DLG2: variants seen among roughly 807,000 people sequenced by gnomAD.
DLG2 encodes discs large MAGUK scaffold protein 2, also known as disks large homolog 2.
Under a neutral mutation model 132.5 loss-of-function variants are expected in DLG2, and 45 were observed. The ratio of observed to expected loss-of-function variants is 0.34; its 90% CI spans 0.27 to 0.44. DLG2 has a LOEUF of 0.44. Among genes scored for constraint, DLG2 ranks in the 20% least tolerant of loss-of-function variants. DLG2 has a pLI of 1.00. For missense variants in DLG2, 1,045 were observed against 1,196.9 expected (o/e 0.87, Z 1.87); for synonymous variants, 424 against 419.6 (o/e 1.01, Z -0.13).
chr11:83,496,835 T>C lies in DLG2; in HGVS notation c.2194-12607A>G, dbSNP rs1355704413. ...AACCATGACACCTCCCAAAACTGTA[T>C]TTCCAGCCCATGCTAGTCTCCTAAA... On this transcript the variant is annotated intron_variant, in intron 21 of 27. Transcript: ENST00000376104. 3.3e-5 allele frequency among the ~76,000 whole-genome samples: 5 copies of C among 152,194 alleles called. No individual in the cohort carries two copies. The East Asian group carries it at 9.6e-4, about 29-fold the overall frequency.
At chr11:85,400,760 C>T (rs1038546221) in intron 3 of DLG2, among the ~76,000 whole-genome samples, 2 of 150,224 alleles carry the variant, frequency 1.3e-5, no homozygotes, top group Admixed American at 6.6e-5. Flanking sequence ...GGAAGGGGAA[C>T]ATCACACTCT....
intron 3 of DLG2, among the ~76,000 whole-genome samples, chr11:85,314,377 T>A (rs1276106943): frequency 6.6e-6 from 1 of 151,780 alleles, no homozygotes; most frequent in Non-Finnish European, 1.5e-5. Flanking sequence ...GAAAAACAGG[T>A]CAGCTAGGAA....
intron 3 of DLG2, among the ~76,000 whole-genome samples, chr11:85,496,330 C>A (rs532670368): frequency 6.6e-6 from 1 of 152,142 alleles, no homozygotes; most frequent in Admixed American, 6.6e-5. Flanking sequence ...ACCTGGGACA[C>A]GGGAGCTTGG....
intron 5 of DLG2, among the ~76,000 whole-genome samples, chr11:85,125,600 A>G (rs912439026): frequency 6.6e-6 from 1 of 152,156 alleles, no homozygotes; most frequent in Non-Finnish European, 1.5e-5. Flanking sequence ...CTAAATAATA[A>G]CTTTGTTGTG....
At chr11:84,276,831 TA>T (rs2097787600) in intron 7 of DLG2, among the ~76,000 whole-genome samples, 1 of 152,076 alleles carries the variant, frequency 6.6e-6, no homozygotes, top group Non-Finnish European at 1.5e-5. Context: ...GCACTTCCAG[TA>T]AAAATAGAGT....
chr11:83,701,650 T>C (rs1437990100), intron 18 of DLG2, among the ~76,000 whole-genome samples: 1 of 152,172 alleles, frequency 6.6e-6, no homozygotes, highest in East Asian at 1.9e-4. Flanking sequence ...AGGAAGTGGT[T>C]GATGTGGAAG....
chr11:85,465,856 T>C (rs2092771520), intron 3 of DLG2, among the ~76,000 whole-genome samples: 1 of 151,862 alleles, frequency 6.6e-6, no homozygotes, highest in African/African-American at 2.4e-5. Flanking sequence ...GTATTTCTAG[T>C]TCTAGATCCC....
intron 3 of DLG2, among the ~76,000 whole-genome samples, chr11:85,348,603 A>G (rs2083042536): frequency 1.3e-5 from 2 of 152,084 alleles, no homozygotes; most frequent in African/African-American, 4.8e-5. Context: ...CAATGCCCCA[A>G]ACTGAAGTTA....
At chr11:84,035,801 C>T (rs1184879086) in intron 11 of DLG2, among the ~76,000 whole-genome samples, 1 of 152,040 alleles carries the variant, frequency 6.6e-6, no homozygotes, top group East Asian at 1.9e-4. Context: ...GAGCAAGAAA[C>T]GATATGGTTT....
At chr11:85,509,066 A>G (rs2093999035) in intron 3 of DLG2, among the ~76,000 whole-genome samples, 1 of 152,090 alleles carries the variant, frequency 6.6e-6, no homozygotes, top group Non-Finnish European at 1.5e-5. Flanking sequence ...GCTGCCCAAG[A>G]AATATTTACT....
At chr11:84,889,786 G>T (rs1218821174) in intron 6 of DLG2, among the ~76,000 whole-genome samples, 2 of 152,148 alleles carry the variant, frequency 1.3e-5, no homozygotes, top group Non-Finnish European at 2.9e-5. Context: ...TTGCGCAATG[G>T]CATGTACATC....
At chr11:84,936,923 C>T (rs2048816904) in intron 6 of DLG2, among the ~76,000 whole-genome samples, 1 of 152,168 alleles carries the variant, frequency 6.6e-6, no homozygotes, top group South Asian at 2.1e-4. Flanking sequence ...GAGGCCGAGG[C>T]AGCTGGATCA....
At chr11:85,037,616 C>T (rs1397425125) in intron 6 of DLG2, among the ~76,000 whole-genome samples, 1 of 149,972 alleles carries the variant, frequency 6.7e-6, no homozygotes, top group Non-Finnish European at 1.5e-5. Flanking sequence ...TGAGTGTTAT[C>T]TTAAAACGTA....
intron 4 of DLG2, among the ~76,000 whole-genome samples, chr11:85,257,078 C>T (rs1017643411): frequency 2.6e-5 from 4 of 152,082 alleles, no homozygotes; most frequent in Non-Finnish European, 5.9e-5. Flanking sequence ...CAGAGAAGAA[C>T]ATCATCTTAG....
chr11:84,991,366 G>A (rs1592314341), intron 6 of DLG2, among the ~76,000 whole-genome samples: 1 of 151,888 alleles, frequency 6.6e-6, no homozygotes, highest in East Asian at 1.9e-4. Context: ...AAAATGAGCT[G>A]AGCAGGGTGG....
Position 84,358,256 on chromosome 11 carries a change from C to A in DLG2, c.520-106965G>T, listed in dbSNP as rs550538640. Among the ~76,000 whole-genome samples the A allele has an allele frequency of 2.8e-4, 42 of 151,892 alleles. No homozygotes were observed. In the South Asian group the frequency reaches 3.5e-3, roughly 13 times the overall value. ...GACTGTGGCATTTTATTAAATGCAG[C>A]CCTCATTAAGACTTGGCATTGTTTG... On this transcript the variant is annotated intron_variant, in intron 7 of 27. Coordinates refer to ENST00000376104, the MANE Select transcript of DLG2 (RefSeq NM_001142699.3).
At chr11:85,061,364 C>A (rs1303844067) in intron 6 of DLG2, among the ~76,000 whole-genome samples, 1 of 151,614 alleles carries the variant, frequency 6.6e-6, no homozygotes, top group East Asian at 1.9e-4. Context: ...AGAATACATA[C>A]ACGATTTGAA....
intron 6 of DLG2, among the ~76,000 whole-genome samples, chr11:84,856,644 T>A (rs2082826729): frequency 6.6e-6 from 1 of 152,148 alleles, no homozygotes; most frequent in Non-Finnish European, 1.5e-5. Flanking sequence ...GTCACCTCAC[T>A]TCCATGCTTG....
intron 19 of DLG2, among the ~76,000 whole-genome samples, chr11:83,583,024 G>C (rs2097010638): frequency 6.6e-6 from 1 of 152,194 alleles, no homozygotes; most frequent in East Asian, 1.9e-4. Context: ...GCCTGAGGGT[G>C]TCTGGCTCTA....
Sources: gnomAD v4.1 joint callset for allele counts (sites outside exome capture counted in the v4.1 genomes callset) on GRCh38, gnomAD v4.1.1 for gene constraint, MANE v1.5 for transcripts, NCBI Gene and HGNC (gene_info 2026-07-23, HGNC 2026-07-21) for gene names.